LIPI: variants seen among roughly 807,000 people sequenced by gnomAD.
The protein encoded by LIPI is lipase I.
A neutral mutation model predicts 50.6 loss-of-function variants in LIPI; 59 were observed. The observed-to-expected ratio is 1.16, with a 90% CI of 0.94 to 1.45. The LOEUF (loss-of-function observed/expected upper bound fraction) is 1.45, where lower values mean the gene tolerates loss of function less well. LIPI is among the 40% of genes most tolerant of loss of function. The pLI is 0.00. For missense variants in LIPI, 586 were observed against 536.3 expected (o/e 1.09, Z -0.92); for synonymous variants, 203 against 178.2 (o/e 1.14, Z -1.11).
At chr21:14,130,209 G>A (rs535827151) in intron 9 of LIPI, among the ~76,000 whole-genome samples, 2 of 152,242 alleles carry the variant, frequency 1.3e-5, no homozygotes, top group African/African-American at 4.8e-5. Context: ...GTGTGGGGGT[G>A]TGCACCTGTA....
intron 2 of LIPI, among the ~76,000 whole-genome samples, chr21:14,186,735 C>T (rs1294712864): frequency 6.6e-6 from 1 of 152,112 alleles, no homozygotes; most frequent in African/African-American, 2.4e-5. Context: ...GTGGAACCCT[C>T]ATGAAAGGGA....
chr21:14,203,935 A>G (rs1232076913), intron 1 of LIPI, among the ~76,000 whole-genome samples: 2 of 152,090 alleles, frequency 1.3e-5, no homozygotes, highest in African/African-American at 4.8e-5. Context: ...TAGCCTTCAC[A>G]GGGACACGAA....
chr21:14,164,481 G>A (rs747492664), intron 6 of LIPI, among the ~76,000 whole-genome samples: 4 of 152,118 alleles, frequency 2.6e-5, no homozygotes, highest in Admixed American at 6.6e-5. Context: ...TCAGCAGTTG[G>A]TTTAATTTAG....
intron 9 of LIPI, among the ~76,000 whole-genome samples, chr21:14,127,703 A>T (rs1373533930): frequency 1.3e-5 from 2 of 152,130 alleles, no homozygotes. Flanking sequence ...CCTTTCCTTT[A>T]TAATAAGTGG....
In LIPI at chr21:14,111,241, C is replaced by A. The variant is rs182957377; in HGVS notation, c.1296-2161G>T. 1.4e-3 allele frequency among the ~76,000 whole-genome samples: 208 copies of A among 151,792 alleles called. 1 individual carries two copies. Among genetic ancestry groups the A allele is most frequent in the Admixed American group, 3.1e-3 (47 of 15,238 alleles). Reference sequence around the variant, plus strand: ...CATTCCCTTTTTTCCATGTTCTCACCAACATTTGTTATAACTTTTGTCTTT... The same window carrying A: ...CATTCCCTTTTTTCCATGTTCTCACAAACATTTGTTATAACTTTTGTCTTT... On this transcript the variant is annotated intron_variant, in intron 9 of 9. Transcript: ENST00000681601.
intron 9 of LIPI, among the ~76,000 whole-genome samples, chr21:14,134,034 T>G (rs1351388700): frequency 6.6e-6 from 1 of 152,102 alleles, no homozygotes; most frequent in African/African-American, 2.4e-5. Flanking sequence ...AAGATCAGCC[T>G]GGGCAACATA....
chr21:14,167,343 C>G (rs1259689625), intron 4 of LIPI, among the ~76,000 whole-genome samples: 2 of 152,212 alleles, frequency 1.3e-5, no homozygotes, highest in African/African-American at 4.8e-5. Context: ...CTCTGTCTGA[C>G]AGCTTTGAAG....
chr21:14,177,713 T>C (rs1033579325), intron 4 of LIPI, among the ~76,000 whole-genome samples: 2 of 152,138 alleles, frequency 1.3e-5, no homozygotes, highest in African/African-American at 4.8e-5. Flanking sequence ...CAAAATCATA[T>C]GCTATTTTTA....
At chr21:14,141,964 T>C (rs1210981201) in intron 9 of LIPI, among the ~76,000 whole-genome samples, 1 of 152,176 alleles carries the variant, frequency 6.6e-6, no homozygotes, top group African/African-American at 2.4e-5. Context: ...GAAGAAAGCA[T>C]GCACTACAAC....
intron 2 of LIPI, 67 bp from the exon 3 acceptor site, chr21:14,186,136 A>G (rs2019449275): frequency 2.3e-6 from 2 of 858,574 alleles, no homozygotes; most frequent in East Asian, 4.8e-5. Context: ...TGCCCCCCTC[A>G]TATATCGACA....
At position 14,144,844 on chromosome 21, in the gene LIPI, C is replaced by T. The variant is rs1187432099; in HGVS notation, c.1119-45G>A. 6 of 1,334,320 alleles carry T rather than the reference C, an allele frequency of 4.5e-6. No homozygotes were observed. The Admixed American group carries it at 5.2e-5, about 12-fold the overall frequency. 82.7% of individuals were successfully genotyped at this position (1,334,320 alleles called of 1,614,324 possible). A position where few individuals can be genotyped will look rare whatever the true frequency, so the allele number is the denominator to read the frequency against. On this transcript the variant is annotated intron_variant, in intron 8 of 9. Transcript: ENST00000681601. Reference sequence around the variant, plus strand: ...CACGCAGCATATTAATAATTTGAAACATAACTCAATTCTAAAATCAATATA... The same window carrying T: ...CACGCAGCATATTAATAATTTGAAATATAACTCAATTCTAAAATCAATATA...
chr21:14,161,181 C>T (rs1269316817), intron 7 of LIPI, among the ~76,000 whole-genome samples: 3 of 151,042 alleles, frequency 2.0e-5, no homozygotes, highest in African/African-American at 7.3e-5. Flanking sequence ...ATTCAAGCAG[C>T]TTTATTTGTC....
At chr21:14,206,434 A>T (rs451807) in intron 1 of LIPI, among the ~76,000 whole-genome samples, 21,195 of 152,164 alleles carry the variant, frequency 0.14, 1,954 homozygotes, top group South Asian at 0.21. Context: ...TGTTTTCATT[A>T]TTGATTTTAT....
At chr21:14,161,714 AT>A (rs1177855306) in intron 7 of LIPI, among the ~76,000 whole-genome samples, 1,424 of 93,512 alleles carry the variant, frequency 0.015, 41 homozygotes, top group Middle Eastern at 0.033. Context: ...ATTATTATAT[AT>A]TAATATATAA....
intron 4 of LIPI, among the ~76,000 whole-genome samples, chr21:14,180,514 C>T (rs1371231792): frequency 6.6e-6 from 1 of 152,158 alleles, no homozygotes; most frequent in Non-Finnish European, 1.5e-5. Context: ...ATAGAAAGAA[C>T]CTACATTGAA....
intron 7 of LIPI, among the ~76,000 whole-genome samples, chr21:14,158,010 T>C (rs2018331262): frequency 6.6e-6 from 1 of 151,844 alleles, no homozygotes; most frequent in African/African-American, 2.4e-5. Flanking sequence ...AAATCTGATT[T>C]AGATGAATTA....
intron 9 of LIPI, among the ~76,000 whole-genome samples, chr21:14,117,072 G>T (rs1263421148): frequency 2.6e-5 from 4 of 152,082 alleles, no homozygotes; most frequent in Admixed American, 2.6e-4. Context: ...ATCAAAGGAG[G>T]AACTCCAGGA....
chr21:14,110,923 A>G (rs1425964122), intron 9 of LIPI, among the ~76,000 whole-genome samples: 2 of 148,240 alleles, frequency 1.3e-5, no homozygotes, highest in Non-Finnish European at 3.0e-5. Flanking sequence ...TTTAATATAT[A>G]TAGTATATAC....
At chr21:14,185,544 G>C (rs2019422339) in intron 3 of LIPI, among the ~76,000 whole-genome samples, 1 of 152,252 alleles carries the variant, frequency 6.6e-6, no homozygotes, top group South Asian at 2.1e-4. Context: ...ATAAATGTTT[G>C]TACATAATTT....
Sources: allele counts gnomAD v4.1 joint callset (sites outside exome capture counted in the v4.1 genomes callset), GRCh38; gene constraint gnomAD v4.1.1; transcripts MANE v1.5; gene names NCBI Gene and HGNC (gene_info 2026-07-23, HGNC 2026-07-21).